CCDC196: variants seen among roughly 807,000 people sequenced by gnomAD.
CCDC196 encodes the protein coiled-coil domain containing 196.
intron 8 of CCDC196, among the ~76,000 whole-genome samples, chr14:66,497,370 ATTATT>A (rs574731449): frequency 1.4e-3 from 208 of 152,086 alleles, no homozygotes; most frequent in Non-Finnish European, 2.4e-3. Flanking sequence ...CCTTATTAAT[ATTATT>A]TTAATGGGTG....
chr14:66,487,279 A>G (rs537385309), intron 2 of CCDC196, among the ~76,000 whole-genome samples: 1 of 152,280 alleles, frequency 6.6e-6, no homozygotes, highest in South Asian at 2.1e-4. Context: ...CAGAGCACTC[A>G]CTGTACTTGG....
At chr14:66,488,484 T>A (rs2057460643) in intron 3 of CCDC196, among the ~76,000 whole-genome samples, 1 of 152,134 alleles carries the variant, frequency 6.6e-6, no homozygotes, top group African/African-American at 2.4e-5. Flanking sequence ...TTAAAAACTT[T>A]TTATCTAGGG....
chr14:66,491,206 A>G (rs911324569), intron 6 of CCDC196, 102 bp downstream of exon 6: 1 of 404,432 alleles, frequency 2.5e-6, no homozygotes, highest in Admixed American at 4.4e-5. Context: ...TCTTGGACCA[A>G]TGCCAATTTT....
At chr14:66,491,958 T>G (rs1457420) in intron 7 of CCDC196, 95 bp from the exon 8 acceptor site, 69,492 of 408,200 alleles carry the variant, frequency 0.17, 14,656 homozygotes, top group African/African-American at 0.63. Flanking sequence ...CATGATGGAA[T>G]TACTTTTTAA....
chr14:66,491,083 G>A lies in CCDC196; in HGVS notation c.492G>A (p.Glu164=). The A allele has an allele frequency of 2.4e-6, 1 of 413,476 alleles. No individual in the cohort carries two copies. Among genetic ancestry groups the A allele is most frequent in the Non-Finnish European group, 4.4e-6 (1 of 226,144 alleles). 25.6% of individuals were successfully genotyped at this position (413,476 alleles called of 1,614,324 possible). The change falls in exon 6 of 10, where the codon GAG becomes GAA. Residue 164 remains glutamate (E), a synonymous_variant. Coordinates refer to ENST00000636229, the MANE Select transcript of CCDC196 (RefSeq NM_001351576.1). ...TESELEKSFA[E]KVKEIRKEKQ... ...GTGAACTGGAGAAATCATTTGCAGA[G>A]AAAGTGAAGGAGATAAGGAAGGTAG...
At chr14:66,492,379 AG>A (rs1335357732) in intron 8 of CCDC196, among the ~76,000 whole-genome samples, 185 bp downstream of exon 8, 1 of 145,710 alleles carries the variant, frequency 6.9e-6, no homozygotes, top group Non-Finnish European at 1.5e-5. Flanking sequence ...TCTGTTGCCC[AG>A]GCTGGAGTGC....
At chr14:66,489,417 T>C (rs985079930) in intron 4 of CCDC196, among the ~76,000 whole-genome samples, 6 of 152,146 alleles carry the variant, frequency 3.9e-5, no homozygotes, top group African/African-American at 1.4e-4. Context: ...AATGCTATTT[T>C]CTCATGGTTG....
chr14:66,492,339 CT>C (rs11449017), intron 8 of CCDC196, 145 bp downstream of exon 8: 2,721 of 294,418 alleles, frequency 9.2e-3, no homozygotes, highest in Middle Eastern at 0.014. Context: ...TTTTCATTAT[CT>C]TTTTTTTTTT....
At position 66,486,457 on chromosome 14, in the gene CCDC196, C is replaced by T; in HGVS notation, c.-46C>T. Reference sequence around the variant, plus strand: ...ACTTAACTGGATAGAAAAAAAGGCACATATTTTCAGGAAGGCCTCTTTATT... The same window carrying T: ...ACTTAACTGGATAGAAAAAAAGGCATATATTTTCAGGAAGGCCTCTTTATT... On this transcript the variant is annotated 5_prime_UTR_variant, in exon 1 of 10. Coordinates refer to ENST00000636229, the MANE Select transcript of CCDC196 (RefSeq NM_001351576.1). 1 of 405,140 alleles carries T rather than the reference C, an allele frequency of 2.5e-6. No homozygotes were observed. Among genetic ancestry groups the T allele is most frequent in the Non-Finnish European group, 4.4e-6 (1 of 225,936 alleles). 25.1% of individuals were successfully genotyped at this position (405,140 alleles called of 1,614,324 possible).
At chr14:66,488,323 T>A (rs2057456292) in intron 3 of CCDC196, 67 bp downstream of exon 3, 1 of 408,456 alleles carries the variant, frequency 2.4e-6, no homozygotes, top group African/African-American at 2.1e-5. Context: ...CAGTGTCAGA[T>A]GTGGAGAGAA....
intron 8 of CCDC196, chr14:66,495,714 T>A (rs945969143): frequency 1.3e-5 from 2 of 152,764 alleles, no homozygotes; most frequent in Non-Finnish European, 2.9e-5. Flanking sequence ...GAGTGGTAAT[T>A]CAGGAACCAT....
At chr14:66,488,952 T>G in intron 3 of CCDC196, 35 bp from the exon 4 acceptor site, 1 of 413,206 alleles carries the variant, frequency 2.4e-6, no homozygotes, top group Non-Finnish European at 4.4e-6. Flanking sequence ...GACAAATACA[T>G]GCTTCTGTTT....
At chr14:66,498,062 TTTTC>T in intron 8 of CCDC196, 43 bp from the exon 9 acceptor site, 1 of 411,224 alleles carries the variant, frequency 2.4e-6, no homozygotes. Context: ...TTTTTTTTTT[TTTTC>T]CCCCTCAAAA....
At position 66,498,510 on chromosome 14, in the gene CCDC196, A is replaced by G. The variant is rs2057718468; in HGVS notation, c.*38A>G. ...CCATTTGCTTTGGACAGATTTAAAG[A>G]CTAGGCACAGCCATTTGTGTTAATT... On this transcript the variant is annotated 3_prime_UTR_variant, in exon 10 of 10. Transcript: ENST00000636229. 2.4e-6 allele frequency: 1 copy of G among 412,664 alleles called. No homozygotes were observed. The highest frequency in any genetic ancestry group is 4.4e-6 in the Non-Finnish European group (1 of 225,376). 25.6% of individuals were successfully genotyped at this position (412,664 alleles called of 1,614,324 possible).
At position 66,492,087 on chromosome 14, in the gene CCDC196, T is replaced by C. The variant is rs779379399; in HGVS notation, c.608T>C (p.Ile203Thr). ...CATGGCAAAGTGATTGAGCTGAGAA[T>C]TGAAGCCTTGAAGAACTACCAGAAG... is the stretch of plus-strand genomic sequence containing the variant. ...DFHGKVIELR[I>T]EALKNYQKAN... The change falls in exon 8 of 10, where the codon ATT (isoleucine) becomes ACT (threonine). Residue 203 changes from isoleucine to threonine, a missense_variant. Physicochemically the swap from Ile to Thr is moderately conservative, Grantham distance 89. Transcript: ENST00000636229. 5 of 413,418 alleles carry C rather than the reference T, an allele frequency of 1.2e-5. No individual in the cohort carries two copies. The highest frequency in any genetic ancestry group is 2.2e-5 in the Non-Finnish European group (5 of 226,156). The allele number at this position is 413,418 out of a possible 1,614,324, so 25.6% of individuals were successfully genotyped here.
chr14:66,491,791 G>A (rs1164033514), intron 7 of CCDC196, 106 bp downstream of exon 7: 9 of 412,098 alleles, frequency 2.2e-5, no homozygotes, highest in African/African-American at 6.2e-5. Context: ...CTAGATTACC[G>A]ATTGCCCTGC....
chr14:66,489,291 T>C (rs957374251), intron 4 of CCDC196, among the ~76,000 whole-genome samples: 7 of 152,232 alleles, frequency 4.6e-5, no homozygotes, highest in Non-Finnish European at 1.0e-4. Context: ...TTTCCTCTCA[T>C]AGATGTCCTT....
chr14:66,493,721 C>T (rs2057596523), intron 8 of CCDC196: 2 of 152,138 alleles, frequency 1.3e-5, no homozygotes, highest in Admixed American at 6.5e-5. Flanking sequence ...AACTGACTAT[C>T]CTTCAGGCAG....
Position 66,488,263 on chromosome 14 carries a change from A to C in CCDC196, c.300+7A>C. 1 of 412,804 alleles carries C rather than the reference A, an allele frequency of 2.4e-6. No individual in the cohort carries two copies. 25.6% of individuals were successfully genotyped at this position (412,804 alleles called of 1,614,324 possible). A position where few individuals can be genotyped will look rare whatever the true frequency, so the allele number is the denominator to read the frequency against. ...GGAGATGAAACAGAACTTGGTAAGA[A>C]GTAGGAGGGACTCCAGGAACAGCCT... On this transcript the variant is annotated splice_region_variant and intron_variant, in intron 3 of 9. Coordinates refer to ENST00000636229, the MANE Select transcript of CCDC196 (RefSeq NM_001351576.1).
Sources: allele counts gnomAD v4.1 joint callset (sites outside exome capture counted in the v4.1 genomes callset), GRCh38; gene constraint gnomAD v4.1.1; transcripts MANE v1.5; gene names NCBI Gene and HGNC (gene_info 2026-07-23, HGNC 2026-07-21).